Variants in SAMD5 observed in about 807,000 individuals in gnomAD.
SAMD5 encodes the protein sterile alpha motif domain containing 5.
In SAMD5, 13 loss-of-function variants were observed where a neutral mutation model predicts 11.3. That is an observed-to-expected ratio of 1.15 (90% CI 0.75 to 1.83). The LOEUF is 1.83. Ranked by LOEUF, SAMD5 falls within the 40% of genes most tolerant of loss-of-function variation. SAMD5 has a pLI of 0.00. For missense variants in SAMD5, 255 were observed against 239.1 expected (o/e 1.07, Z -0.44); for synonymous variants, 129 against 111.3 (o/e 1.16, Z -1.00).
the SAMD5 span, among the ~76,000 whole-genome samples, chr6:147,909,632 CT>C: frequency 8.2e-5 from 5 of 61,138 alleles, no homozygotes; most frequent in African/African-American, 5.7e-4. Context: ...TTCTTTCTTT[CT>C]CTTTCTTGTC....
At chr6:147,635,902 C>A (rs1790224942) in intron 1 of SAMD5, among the ~76,000 whole-genome samples, 1 of 152,204 alleles carries the variant, frequency 6.6e-6, no homozygotes, top group South Asian at 2.1e-4. Flanking sequence ...GCTTGAGAAT[C>A]AGTGTTTGAT....
At chr6:147,799,551 A>C in the SAMD5 span, among the ~76,000 whole-genome samples, 5 of 151,196 alleles carry the variant, frequency 3.3e-5, no homozygotes, top group South Asian at 1.1e-3. Flanking sequence ...TGTGTCTTGG[A>C]GTTGCTCTTC....
At chr6:147,876,882 C>T in the SAMD5 span, among the ~76,000 whole-genome samples, 4 of 152,072 alleles carry the variant, frequency 2.6e-5, no homozygotes, top group Non-Finnish European at 4.4e-5. Context: ...AGATCAATTG[C>T]GATGACAAGG....
Position 147,567,454 on chromosome 6 carries a change from T to C in SAMD5, c.*2998T>C. 1.0e-6 allele frequency: 1 copy of C among 983,626 alleles called. No individual in the cohort carries two copies. Among genetic ancestry groups the C allele is most frequent in the Non-Finnish European group, 1.2e-6 (1 of 828,260 alleles). 60.9% of individuals were successfully genotyped at this position (983,626 alleles called of 1,614,324 possible). The stretch of plus-strand genomic sequence containing the variant: ...TTTCCTGCGGTGAATCTGTTAAGGA[T>C]GTAAGCTATAGTGTAGCTTGGGGAA... On this transcript the variant is annotated 3_prime_UTR_variant, in exon 2 of 2. Transcript: ENST00000367474.
chr6:147,675,513 G>T (rs1179464468), intron 1 of SAMD5, among the ~76,000 whole-genome samples: 1 of 152,194 alleles, frequency 6.6e-6, no homozygotes, highest in Non-Finnish European at 1.5e-5. Flanking sequence ...TCTCATTAGG[G>T]ATGAATGTTT....
chr6:147,647,960 G>A (rs1790429921), intron 1 of SAMD5, among the ~76,000 whole-genome samples: 1 of 152,162 alleles, frequency 6.6e-6, no homozygotes, highest in African/African-American at 2.4e-5. Flanking sequence ...TAAGTAAATT[G>A]ATCAAGGTTA....
chr6:147,802,004 T>C, the SAMD5 span, among the ~76,000 whole-genome samples: 1 of 152,172 alleles, frequency 6.6e-6, no homozygotes, highest in African/African-American at 2.4e-5. Flanking sequence ...CCTTGGGACA[T>C]GCAGAGATTT....
At chr6:147,629,119 C>T (rs9942496) in intron 1 of SAMD5, among the ~76,000 whole-genome samples, 4,361 of 151,970 alleles carry the variant, frequency 0.029, 194 homozygotes, top group African/African-American at 0.099. Flanking sequence ...GATGAAACCC[C>T]GTCTCTACTA....
chr6:147,877,847 T>TAAACACAC, the SAMD5 span, among the ~76,000 whole-genome samples: 3 of 113,076 alleles, frequency 2.7e-5, no homozygotes, highest in African/African-American at 1.0e-4. Flanking sequence ...TTTATATAAA[T>TAAACACAC]ACACACACAC....
chr6:147,709,300 A>T (rs1791365344), intron 1 of SAMD5, among the ~76,000 whole-genome samples: 1 of 152,206 alleles, frequency 6.6e-6, no homozygotes, highest in Non-Finnish European at 1.5e-5. Context: ...GGATTCTCTA[A>T]CTACTCTGCC....
chr6:147,812,273 A>G, the SAMD5 span, among the ~76,000 whole-genome samples: 5 of 152,178 alleles, frequency 3.3e-5, no homozygotes, highest in East Asian at 9.6e-4. Flanking sequence ...AAAAGTCTGC[A>G]GTGTTTATAT....
At chr6:147,605,904 A>T (rs1386369953) in intron 1 of SAMD5, among the ~76,000 whole-genome samples, 1 of 152,048 alleles carries the variant, frequency 6.6e-6, no homozygotes, top group Non-Finnish European at 1.5e-5. Context: ...GGTATGTTTG[A>T]GGCACGGAGT....
At chr6:147,646,014 G>C (rs12190078) in intron 1 of SAMD5, among the ~76,000 whole-genome samples, 34 of 55,420 alleles carry the variant, frequency 6.1e-4, no homozygotes, top group Admixed American at 1.2e-3. Flanking sequence ...GTCTGTCTAT[G>C]TATCTATCTA....
At chr6:147,786,098 G>A in the SAMD5 span, among the ~76,000 whole-genome samples, 2 of 152,096 alleles carry the variant, frequency 1.3e-5, no homozygotes, top group Non-Finnish European at 2.9e-5. Flanking sequence ...GTAAATTTTA[G>A]GAAACTAAGA....
At chr6:147,515,431 A>ACCAT (rs58973849) in intron 1 of SAMD5, among the ~76,000 whole-genome samples, 5,901 of 148,722 alleles carry the variant, frequency 0.04, 140 homozygotes, top group African/African-American at 0.066. Flanking sequence ...CTTCCATCCA[A>ACCAT]CCATCCATCC....
rs938245976 is a variant in SAMD5, at chr6:147,618,352, C to T, written c.162+108965C>T. The stretch of plus-strand genomic sequence containing the variant: ...CAGGCAGCTCAGTGTTGGGGGGAGT[C>T]TCATGAAGGGATAATTGGTAGCACT... On this transcript the variant is annotated intron_variant, in intron 1 of 1. Coordinates refer to the SAMD5 transcript ENST00000566741. 2.0e-5 allele frequency among the ~76,000 whole-genome samples: 3 copies of T among 152,052 alleles called. No individual in the cohort carries two copies. The East Asian group carries it at 5.8e-4, about 29-fold the overall frequency.
downstream of SAMD5, among the ~76,000 whole-genome samples, chr6:147,572,184 G>C (rs1789147040): frequency 6.7e-6 from 1 of 149,354 alleles, no homozygotes. Context: ...GGTTATGTGA[G>C]ATGGTTAGAC....
At chr6:147,939,675 T>C in the SAMD5 span, among the ~76,000 whole-genome samples, 1 of 152,142 alleles carries the variant, frequency 6.6e-6, no homozygotes, top group African/African-American at 2.4e-5. Flanking sequence ...ACTTCAGGAC[T>C]CAACACAGGA....
chr6:147,567,437 G>A lies in SAMD5; in HGVS notation c.*2981G>A, dbSNP rs1012073161. On this transcript the variant is annotated 3_prime_UTR_variant, in exon 2 of 2. Transcript: ENST00000367474. ...AATTATTCTAGTAGTATTTTCCTGC[G>A]GTGAATCTGTTAAGGATGTAAGCTA... is the stretch of plus-strand genomic sequence containing the variant. 26 of 984,346 alleles carry A rather than the reference G, an allele frequency of 2.6e-5. No individual in the cohort carries two copies. Among genetic ancestry groups the A allele is most frequent in the African/African-American group, 2.1e-4 (12 of 57,174 alleles). The allele number at this position is 984,346 out of a possible 1,614,324, so 61.0% of individuals were successfully genotyped here. A position where few individuals can be genotyped will look rare whatever the true frequency, so the allele number is the denominator to read the frequency against.
Sources: allele counts gnomAD v4.1 joint callset (sites outside exome capture counted in the v4.1 genomes callset), GRCh38; gene constraint gnomAD v4.1.1; transcripts MANE v1.5; gene names NCBI Gene and HGNC (gene_info 2026-07-23, HGNC 2026-07-21).